Variants in BSG observed in about 807,000 individuals in gnomAD.
BSG encodes basigin (Ok blood group), also known as basigin.
BSG carries 37 observed loss-of-function variants against 43.1 expected under a neutral mutation model. The observed-to-expected ratio is 0.86, with a 90% CI of 0.66 to 1.13. The LOEUF is 1.13. BSG is among the 50% of genes most tolerant of loss of function. BSG has a pLI of 0.00. For synonymous variants in BSG, 309 were observed against 238.7 expected (o/e 1.29, Z -2.72); for missense variants, 599 against 554.2 (o/e 1.08, Z -0.81).
chr19:572,357 G>C (rs1981314875), upstream of BSG: 1 of 1,070,512 alleles, frequency 9.3e-7, no homozygotes, highest in Non-Finnish European at 1.1e-6. Flanking sequence ...GCAGGCTCCA[G>C]CCGCGTCCCC....
Position 577,930 on chromosome 19 carries a change from G to A in BSG, c.224G>A (p.Arg75Gln), listed in dbSNP as rs376649749. The change falls in exon 2 of 9, where the codon CGG becomes CAG. Residue 75 changes from arginine (R) to glutamine (Q), a missense_variant. Transcript: ENST00000333511. ...DTCSQLWDGA[R>Q]LDRVHIHATY... ...TGCTCCCAGCTCTGGGACGGCGCCC[G>A]GCTGGACCGCGTCCACATCCACGCC... is the stretch of plus-strand genomic sequence containing the variant. 2.7e-5 allele frequency: 43 copies of A among 1,605,134 alleles called. No homozygotes were observed. The highest frequency in any genetic ancestry group is 1.3e-4 in the African/African-American group (10 of 74,942).
At chr19:580,267 TG>T in intron 3 of BSG, 111 bp from the exon 4 acceptor site, 1 of 934,568 alleles carries the variant, frequency 1.1e-6, no homozygotes, top group Non-Finnish European at 1.6e-6. Context: ...CAGACTTGAC[TG>T]GGACAGTTTT....
At chr19:572,420 G>A, upstream of BSG, 1 of 1,132,484 alleles carries the variant, frequency 8.8e-7, no homozygotes, top group Non-Finnish European at 1.1e-6. Context: ...GCCGCCGCCC[G>A]GATTCCGTAG....
chr19:577,767 C>T lies in BSG; in HGVS notation c.68-7C>T, dbSNP rs1199194387. 2.8e-6 allele frequency: 4 copies of T among 1,411,502 alleles called. No individual in the cohort carries two copies. The South Asian group carries it at 6.5e-5, about 23-fold the overall frequency. 87.4% of individuals were successfully genotyped at this position (1,411,502 alleles called of 1,614,324 possible). On this transcript the variant is annotated splice_region_variant and splice_polypyrimidine_tract_variant and intron_variant, in intron 1 of 8. Coordinates refer to ENST00000333511, the MANE Select transcript of BSG (RefSeq NM_001728.4). ...CTAACAAGACCCCACGCGTGCTCTC[C>T]CCACAGCCGGCTTCGTCCAGGCGCC...
rs1246370171 is a variant in BSG at position 577,877 on chromosome 19, G to T, written c.171G>T (p.Trp57Cys). 6.3e-7 allele frequency: 1 copy of T among 1,575,664 alleles called. No individual in the cohort carries two copies. The highest frequency in any genetic ancestry group is 1.1e-5 in the South Asian group (1 of 87,326). ...VGSPVPEIQW[W>C]FEGQGPNDTC... ...GCCCGGTGCCCGAGATCCAGTGGTG[G>T]TTTGAAGGGCAGGGTCCCAACGACA... The change falls in exon 2 of 9, where the codon TGG (tryptophan) becomes TGT (cysteine). Residue 57 changes from tryptophan to cysteine, a missense_variant. By Grantham distance (215) the Trp-to-Cys change is radical. Transcript: ENST00000333511.
At chr19:578,164 T>G in intron 2 of BSG, 43 bp downstream of exon 2, 3 of 1,471,766 alleles carry the variant, frequency 2.0e-6, no homozygotes, top group Non-Finnish European at 2.7e-6. Flanking sequence ...TCAGTTTCCC[T>G]CCTGTGCCGC....
rs201881530 is a variant in BSG, at chr19:579,522, A to G, written c.438A>G (p.Val146=). 6 of 1,612,680 alleles carry G rather than the reference A, an allele frequency of 3.7e-6. No homozygotes were observed. Residue 146 remains valine (V), a synonymous_variant, in exon 3 of 9, where the codon GTA becomes GTG. Transcript: ENST00000333511. ...CAGCCGGCACAGTCTTCACTACCGT[A>G]GAAGACCTTGGCTCCAAGATACTCC... The part of the protein sequence containing the change: ...VLEPGTVFTT[V]EDLGSKILLT...
chr19:574,405 T>G (rs552838011), intron 1 of BSG, among the ~76,000 whole-genome samples: 1 of 151,892 alleles, frequency 6.6e-6, no homozygotes, highest in Admixed American at 6.5e-5. Context: ...TACAAAAAAT[T>G]AGCCTGGCGT....
chr19:573,777 C>G lies in BSG; in HGVS notation c.67+1076C>G, dbSNP rs139116476. Among the ~76,000 whole-genome samples, 669 of 152,296 alleles carry G rather than the reference C, an allele frequency of 4.4e-3. 2 individuals carry two copies. Among genetic ancestry groups the G allele is most frequent in the African/African-American group, 0.014 (591 of 41,550 alleles). On this transcript the variant is annotated intron_variant, in intron 1 of 8. Transcript: ENST00000333511. ...GAAAGTCGTTTTTAGCCGACTCTGA[C>G]CCGCATTCGGTTTCCAGTGCTGTCT...
intron 3 of BSG, 140 bp downstream of exon 3, chr19:579,796 C>T: frequency 7.5e-7 from 1 of 1,327,160 alleles, no homozygotes; most frequent in South Asian, 1.5e-5. Flanking sequence ...CCGCGCAGAC[C>T]CCCAGAGGGA....
chr19:578,793 C>G (rs1347766074), intron 2 of BSG: 20 of 332,550 alleles, frequency 6.0e-5, no homozygotes, highest in Middle Eastern at 1.1e-3. Context: ...TGTGGTGGCA[C>G]AATCTCGGCT....
rs186833702 is a variant in BSG at position 582,977 on chromosome 19, G to A, written c.*233G>A. The A allele has an allele frequency of 3.1e-5, 7 of 225,696 alleles. No individual in the cohort carries two copies. The highest frequency in any genetic ancestry group is 2.4e-4 in the East Asian group (2 of 8,250). 14.0% of individuals were successfully genotyped at this position (225,696 alleles called of 1,614,324 possible). ...GAGAGCCCGGGAGCTGCTGCCCTGC[G>A]GCCCCGTCTGTGGCTTTCAGCCTCT... On this transcript the variant is annotated 3_prime_UTR_variant, in exon 9 of 9. Transcript: ENST00000333511.
At position 578,056 on chromosome 19, in the gene BSG, A is replaced by G; in HGVS notation, c.350A>G (p.Asn117Ser). ...CGGGCCAGCAACGACCCGGATCGCA[A>G]CCACCTGACCCGGGCGCCCAGGGTC... The part of the protein sequence containing the change: ...ECRASNDPDR[N>S]HLTRAPRVKW... Residue 117 changes from asparagine to serine, a missense_variant, in exon 2 of 9, where the codon AAC becomes AGC. Asn to Ser is a conservative substitution (Grantham distance 46). Transcript: ENST00000333511. 7 of 1,610,310 alleles carry G rather than the reference A, an allele frequency of 4.3e-6. No homozygotes were observed. The highest frequency in any genetic ancestry group is 5.9e-6 in the Non-Finnish European group (7 of 1,178,616).
chr19:571,782 C>G (rs983567166), upstream of BSG: 12 of 598,500 alleles, frequency 2.0e-5, no homozygotes, highest in Middle Eastern at 3.3e-4. Context: ...TCTGTCCTTT[C>G]CCTGTTGGCT....
chr19:577,764 C>G lies in BSG; in HGVS notation c.68-10C>G, dbSNP rs1047535264. ...GCACTAACAAGACCCCACGCGTGCT[C>G]TCCCCACAGCCGGCTTCGTCCAGGC... On this transcript the variant is annotated splice_polypyrimidine_tract_variant and intron_variant, in intron 1 of 8. Coordinates refer to ENST00000333511, the MANE Select transcript of BSG (RefSeq NM_001728.4). 5 of 1,399,866 alleles carry G rather than the reference C, an allele frequency of 3.6e-6. No individual in the cohort carries two copies. Among genetic ancestry groups the G allele is most frequent in the Non-Finnish European group, 4.6e-6 (5 of 1,076,272 alleles). 86.7% of individuals were successfully genotyped at this position (1,399,866 alleles called of 1,614,324 possible).
chr19:578,181 C>A (rs1568350498), intron 2 of BSG, 60 bp downstream of exon 2: 2 of 1,428,986 alleles, frequency 1.4e-6, no homozygotes. Context: ...CCGCTCGCCT[C>A]CCGGCTCCTG....
upstream of BSG, chr19:572,203 C>T (rs1276208298): frequency 6.2e-5 from 12 of 194,210 alleles, no homozygotes; most frequent in South Asian, 3.5e-4. Context: ...CCTCCCAAGG[C>T]TCTGGGAGTA....
At chr19:580,535 A>G in intron 4 of BSG, 74 bp downstream of exon 4, 16 of 1,603,880 alleles carry the variant, frequency 1.0e-5, no homozygotes, top group African/African-American at 1.3e-5. Context: ...CACCCGGCAC[A>G]TCCCAGAGCC....
rs919016258 is a variant in BSG, at chr19:580,478, G to C, written c.655+17G>C. On this transcript the variant is annotated intron_variant, in intron 4 of 8. Transcript: ENST00000333511. ...AGCTCCACGGTGAGTCCTGCAGCCAGGGGTACCGGGCACCACCGACTGTCG... is the reference window on the plus strand; with the variant it reads ...AGCTCCACGGTGAGTCCTGCAGCCACGGGTACCGGGCACCACCGACTGTCG... The C allele has an allele frequency of 6.2e-7, 1 of 1,609,530 alleles. No individual in the cohort carries two copies. Among genetic ancestry groups the C allele is most frequent in the Non-Finnish European group, 8.5e-7 (1 of 1,179,782 alleles).
Sources: allele counts gnomAD v4.1 joint callset (sites outside exome capture counted in the v4.1 genomes callset), GRCh38; gene constraint gnomAD v4.1.1; transcripts MANE v1.5; gene names NCBI Gene and HGNC (gene_info 2026-07-23, HGNC 2026-07-21).